HMCN1: variants seen among roughly 807,000 people sequenced by gnomAD.
HMCN1 encodes the protein hemicentin-1.
HMCN1 carries 321 observed loss-of-function variants against 625.9 expected under a neutral mutation model. The ratio of observed to expected loss-of-function variants is 0.51; its 90% CI spans 0.47 to 0.56. HMCN1 has a LOEUF of 0.56. Among genes scored for constraint, HMCN1 ranks in the 20% least tolerant of loss-of-function variants. The pLI is 0.00. For synonymous variants in HMCN1, 2,425 were observed against 2,417.6 expected, an observed-to-expected ratio of 1.00 and a Z score of -0.09; for missense variants, 6,588 against 6,887.3, an observed-to-expected ratio of 0.96 and a Z score of 1.54.
chr1:186,166,855 G>A lies in HMCN1; in HGVS notation c.15487G>A (p.Asp5163Asn), dbSNP rs775752801. 24 of 1,614,052 alleles carry A rather than the reference G, an allele frequency of 1.5e-5. No individual in the cohort carries two copies. Among genetic ancestry groups the A allele is most frequent in the Non-Finnish European group, 1.9e-5 (23 of 1,180,036 alleles). The stretch of plus-strand genomic sequence containing the variant: ...TAGGCATACCTGCCACGCTGGTCAG[G>A]ACTGTGACAATACGATTGGATCTTA... ...LGRHTCHAGQ[D>N]CDNTIGSYRC... Residue 5163 changes from aspartate to asparagine, a missense_variant, in exon 100 of 107, where the codon GAC becomes AAC. Physicochemically the swap from Asp to Asn is conservative, Grantham distance 23. Transcript: ENST00000271588.
chr1:186,103,329 C>A, intron 68 of HMCN1, 143 bp from the exon 69 acceptor site: 1 of 691,418 alleles, frequency 1.4e-6, no homozygotes. Flanking sequence ...ATGGTAATGA[C>A]ATCTAGGAAT....
At chr1:185,800,512 T>G (rs1658723579) in intron 1 of HMCN1, among the ~76,000 whole-genome samples, 2 of 152,088 alleles carry the variant, frequency 1.3e-5, no homozygotes, top group South Asian at 4.1e-4. Context: ...TATGACTAAT[T>G]ATATTTTATA....
intron 2 of HMCN1, among the ~76,000 whole-genome samples, chr1:185,847,594 CT>C (rs1368414265): frequency 1.3e-5 from 2 of 152,180 alleles, no homozygotes; most frequent in Non-Finnish European, 2.9e-5. Flanking sequence ...TTCACTTGAT[CT>C]CAATTCCTTG....
chr1:186,037,492 C>A (rs1412748180), intron 36 of HMCN1, among the ~76,000 whole-genome samples: 2 of 152,018 alleles, frequency 1.3e-5, no homozygotes, highest in African/African-American at 4.8e-5. Context: ...AAAAGTTATT[C>A]TATTTTTTTC....
At chr1:186,175,036 G>T (rs569088708) in intron 103 of HMCN1, among the ~76,000 whole-genome samples, 30 of 152,194 alleles carry the variant, frequency 2.0e-4, no homozygotes, top group African/African-American at 7.2e-4. Context: ...TGAAAGTTTA[G>T]GTGTGAGGTA....
Position 185,970,457 on chromosome 1 carries a change from G to A in HMCN1, c.2335G>A (p.Gly779Arg). 11 of 1,613,798 alleles carry A rather than the reference G, an allele frequency of 6.8e-6. No homozygotes were observed. Among genetic ancestry groups the A allele is most frequent in the Admixed American group, 1.7e-5 (1 of 60,020 alleles). Residue 779 changes from glycine to arginine, a missense_variant, in exon 15 of 107, where the codon GGA becomes AGA. Physicochemically the swap from Gly to Arg is moderately radical, Grantham distance 125 (BLOSUM62 -2). This residue lies in a region of HMCN1 where 4,628 missense variants were observed against 4,853.1 expected (regional missense o/e 0.95). Coordinates refer to ENST00000271588, the MANE Select transcript of HMCN1 (RefSeq NM_031935.3). ...TACCTGTGTAGCCATCAATGAGGCT[G>A]GAAGAGCAACTGGCAAGATAACTCT... ...DYTCVAINEA[G>R]RATGKITLDV... is the part of the protein sequence containing the mutation.
intron 9 of HMCN1, among the ~76,000 whole-genome samples, chr1:185,926,078 A>G (rs1176791765): frequency 6.6e-6 from 1 of 152,220 alleles, no homozygotes; most frequent in Non-Finnish European, 1.5e-5. Context: ...CATGATAAAA[A>G]CTAAGCAAAC....
chr1:186,140,756 A>G (rs1013133097), intron 89 of HMCN1, among the ~76,000 whole-genome samples: 22 of 152,240 alleles, frequency 1.4e-4, no homozygotes, highest in Admixed American at 1.4e-3. Context: ...CATATCTATT[A>G]TTGACCTCTG....
At chr1:185,998,470 A>G (rs1652954258) in intron 25 of HMCN1, among the ~76,000 whole-genome samples, 1 of 152,144 alleles carries the variant, frequency 6.6e-6, no homozygotes, top group African/African-American at 2.4e-5. Flanking sequence ...AACAATAACT[A>G]TTCCAAGAGT....
intron 1 of HMCN1, among the ~76,000 whole-genome samples, chr1:185,767,823 G>A: frequency 6.6e-6 from 1 of 152,090 alleles, no homozygotes; most frequent in East Asian, 1.9e-4. Context: ...ACAAGATAAA[G>A]TCAGTGATAG....
intron 76 of HMCN1, 77 bp downstream of exon 76, chr1:186,117,192 C>A: frequency 6.4e-7 from 1 of 1,570,222 alleles, no homozygotes; most frequent in Non-Finnish European, 8.7e-7. Context: ...CAAAAGGGAT[C>A]CCTTTTCTTT....
intron 35 of HMCN1, 70 bp downstream of exon 35, chr1:186,019,765 C>G (rs1654598741): frequency 1.5e-6 from 2 of 1,302,596 alleles, no homozygotes; most frequent in Non-Finnish European, 1.1e-6. Flanking sequence ...TCAAGTTATT[C>G]TTTCTTAACT....
chr1:186,041,139 G>A lies in HMCN1; in HGVS notation c.6304+3G>A. On this transcript the variant is annotated splice_donor_region_variant and intron_variant, in intron 40 of 106. Transcript: ENST00000271588. ...GGACATTGACCTCCGAGTATATGGT[G>A]AGACATTTTAGTAATTAATTCTCTT... 6.2e-7 allele frequency: 1 copy of A among 1,611,788 alleles called. No individual in the cohort carries two copies. The highest frequency in any genetic ancestry group is 8.5e-7 in the Non-Finnish European group (1 of 1,178,228).
chr1:186,106,122 G>A (rs1660595290), intron 69 of HMCN1, among the ~76,000 whole-genome samples: 1 of 152,040 alleles, frequency 6.6e-6, no homozygotes, highest in South Asian at 2.1e-4. Context: ...CAATATTCTG[G>A]GAATGTTCAA....
intron 4 of HMCN1, among the ~76,000 whole-genome samples, chr1:185,905,349 A>G (rs551740925): frequency 6.6e-6 from 1 of 151,858 alleles, no homozygotes; most frequent in Non-Finnish European, 1.5e-5. Context: ...ATAGTAGTGA[A>G]CAAATCAGCT....
At chr1:185,807,701 C>A (rs1461660955) in intron 1 of HMCN1, among the ~76,000 whole-genome samples, 4 of 152,090 alleles carry the variant, frequency 2.6e-5, no homozygotes, top group Admixed American at 2.6e-4. Context: ...GCATTCTTGT[C>A]TTTAGTATCA....
intron 71 of HMCN1, among the ~76,000 whole-genome samples, chr1:186,111,526 GT>G (rs772396185): frequency 2.2e-4 from 34 of 152,052 alleles, no homozygotes; most frequent in Non-Finnish European, 4.1e-4. Context: ...CACATCTGTA[GT>G]TGTAGCTACT....
At chr1:185,918,879 C>T (rs556365077) in intron 6 of HMCN1, among the ~76,000 whole-genome samples, 1 of 152,098 alleles carries the variant, frequency 6.6e-6, no homozygotes, top group African/African-American at 2.4e-5. Flanking sequence ...GCTAGATTTC[C>T]CTCTTCTTAT....
At chr1:186,098,327 G>A (rs1660233959) in intron 68 of HMCN1, among the ~76,000 whole-genome samples, 2 of 152,022 alleles carry the variant, frequency 1.3e-5, no homozygotes, top group East Asian at 3.9e-4. Flanking sequence ...TCCGATATAT[G>A]TAAAGAACTT....
Sources: gnomAD v4.1 joint callset for allele counts (sites outside exome capture counted in the v4.1 genomes callset) on GRCh38, gnomAD v4.1.1 for gene constraint, gnomAD v4.1.1 regional missense constraint, MANE v1.5 for transcripts, NCBI Gene and HGNC (gene_info 2026-07-23, HGNC 2026-07-21) for gene names.